BRINP3: variants seen among roughly 807,000 people sequenced by gnomAD.
BRINP3 encodes BMP/retinoic acid inducible neural specific 3.
In BRINP3, 19 loss-of-function variants were observed where a neutral mutation model predicts 71.0. The ratio of observed to expected loss-of-function variants is 0.27; its 90% confidence interval spans 0.19 to 0.39. The LOEUF (loss-of-function observed/expected upper bound fraction) is 0.39. Ranked by LOEUF, BRINP3 falls within the 10% of genes least tolerant of loss-of-function variation. The pLI, the probability that BRINP3 is intolerant of heterozygous loss-of-function variation, is 1.00. For missense variants in BRINP3, 959 were observed against 940.8 expected (o/e 1.02, Z -0.25); for synonymous variants, 380 against 337.7 (o/e 1.13, Z -1.37).
chr1:190,325,425 G>T (rs1666515976), intron 2 of BRINP3, among the ~76,000 whole-genome samples: 1 of 151,886 alleles, frequency 6.6e-6, no homozygotes, highest in Non-Finnish European at 1.5e-5. Flanking sequence ...AATGATAAAA[G>T]TCAGCAAACT....
chr1:190,438,408 A>T (rs899564176), intron 2 of BRINP3, among the ~76,000 whole-genome samples: 1 of 151,680 alleles, frequency 6.6e-6, no homozygotes, highest in Admixed American at 6.6e-5. Flanking sequence ...GATATATGTA[A>T]AACAGGATGA....
intron 6 of BRINP3, among the ~76,000 whole-genome samples, chr1:190,200,854 T>C (rs1654940641): frequency 6.6e-6 from 1 of 152,170 alleles, no homozygotes; most frequent in Non-Finnish European, 1.5e-5. Context: ...CTGCCATGAT[T>C]GTGAGGCCTC....
chr1:190,381,979 G>A (rs1057280108), intron 2 of BRINP3, among the ~76,000 whole-genome samples: 5 of 152,070 alleles, frequency 3.3e-5, no homozygotes, highest in Admixed American at 2.0e-4. Context: ...ATAATCAGTG[G>A]CCAAAAACAA....
At chr1:190,164,402 G>A (rs1651292743) in intron 6 of BRINP3, among the ~76,000 whole-genome samples, 1 of 152,044 alleles carries the variant, frequency 6.6e-6, no homozygotes, top group Non-Finnish European at 1.5e-5. Flanking sequence ...TCATTGGTAA[G>A]CAGGACTATG....
chr1:190,265,575 G>A (rs1450577447), intron 3 of BRINP3, among the ~76,000 whole-genome samples: 4 of 147,040 alleles, frequency 2.7e-5, no homozygotes, highest in Admixed American at 1.3e-4. Context: ...TTAGCCGGGC[G>A]TGGTGGCGGG....
At chr1:190,439,933 T>C (rs1351998787) in intron 2 of BRINP3, among the ~76,000 whole-genome samples, 1 of 151,948 alleles carries the variant, frequency 6.6e-6, no homozygotes, top group African/African-American at 2.4e-5. Flanking sequence ...GAACTAGTCA[T>C]AGTGCATTAG....
At chr1:190,304,846 T>G (rs1320760521) in intron 2 of BRINP3, among the ~76,000 whole-genome samples, 1 of 151,666 alleles carries the variant, frequency 6.6e-6, no homozygotes, top group African/African-American at 2.4e-5. Flanking sequence ...TGGGAGAAAA[T>G]ATCTGCAAAC....
chr1:190,205,086 G>T (rs1373189435), intron 6 of BRINP3, among the ~76,000 whole-genome samples: 6 of 151,858 alleles, frequency 4.0e-5, no homozygotes, highest in Admixed American at 3.3e-4. Flanking sequence ...TTTTCCACCT[G>T]CCACACATGG....
intron 6 of BRINP3, among the ~76,000 whole-genome samples, chr1:190,214,626 T>C (rs1656249506): frequency 6.6e-6 from 1 of 152,014 alleles, no homozygotes; most frequent in Non-Finnish European, 1.5e-5. Flanking sequence ...ACTTTAAGAC[T>C]TAGTGTATGC....
At chr1:190,304,884 G>A (rs1444858848) in intron 2 of BRINP3, among the ~76,000 whole-genome samples, 3 of 151,710 alleles carry the variant, frequency 2.0e-5, no homozygotes, top group South Asian at 2.1e-4. Flanking sequence ...ATTAATAACC[G>A]AAATATACAA....
intron 2 of BRINP3, among the ~76,000 whole-genome samples, chr1:190,402,502 G>C (rs935952267): frequency 6.6e-6 from 1 of 151,914 alleles, no homozygotes; most frequent in African/African-American, 2.4e-5. Context: ...TCTCTTACAA[G>C]GTATCTTCAA....
chr1:190,299,676 A>C (rs979824469), intron 2 of BRINP3, among the ~76,000 whole-genome samples: 7 of 147,328 alleles, frequency 4.8e-5, no homozygotes, highest in African/African-American at 1.8e-4. Flanking sequence ...GAGTGAGAAT[A>C]TGCCACCGCA....
At chr1:190,233,010 T>G (rs954231548) in intron 5 of BRINP3, among the ~76,000 whole-genome samples, 1 of 152,204 alleles carries the variant, frequency 6.6e-6, no homozygotes, top group African/African-American at 2.4e-5. Context: ...TGTTAAAGTA[T>G]TTAAGAACTT....
intron 6 of BRINP3, among the ~76,000 whole-genome samples, chr1:190,188,197 T>C (rs1653711490): frequency 6.6e-6 from 1 of 152,170 alleles, no homozygotes; most frequent in Non-Finnish European, 1.5e-5. Context: ...GAAATGCTAC[T>C]GATTTCTGAA....
intron 6 of BRINP3, among the ~76,000 whole-genome samples, chr1:190,210,884 T>C (rs1360649107): frequency 6.6e-6 from 1 of 152,108 alleles, no homozygotes; most frequent in Non-Finnish European, 1.5e-5. Flanking sequence ...GGCAGAAGAA[T>C]GCGGAAGGAC....
chr1:190,276,048 A>C (rs2102915291), intron 3 of BRINP3, among the ~76,000 whole-genome samples: 1 of 151,642 alleles, frequency 6.6e-6, no homozygotes, highest in African/African-American at 2.4e-5. Context: ...AATTTTAATA[A>C]ATATCAGTAC....
intron 2 of BRINP3, among the ~76,000 whole-genome samples, chr1:190,355,416 A>T (rs1403255340): frequency 6.6e-6 from 1 of 151,904 alleles, no homozygotes; most frequent in Non-Finnish European, 1.5e-5. Context: ...TATATTTACA[A>T]GAATATTCCA....
At chr1:190,312,612 A>AT (rs996586680) in intron 2 of BRINP3, among the ~76,000 whole-genome samples, 4 of 151,800 alleles carry the variant, frequency 2.6e-5, no homozygotes, top group East Asian at 1.9e-4. Flanking sequence ...CTTTCTTATG[A>AT]TTTTTTTCCC....
chr1:190,259,061 C>T (rs1660933862), intron 4 of BRINP3, among the ~76,000 whole-genome samples: 1 of 151,748 alleles, frequency 6.6e-6, no homozygotes, highest in African/African-American at 2.4e-5. Flanking sequence ...TAAATTCAAC[C>T]AAAAACTCAA....
Sources: allele counts gnomAD v4.1 joint callset (sites outside exome capture counted in the v4.1 genomes callset), GRCh38; gene constraint gnomAD v4.1.1; transcripts MANE v1.5; gene names NCBI Gene and HGNC (gene_info 2026-07-23, HGNC 2026-07-21).